The following TRAK1 variants were observed in gnomAD, a reference collection of about 807,000 sequenced individuals.
TRAK1 encodes the protein trafficking kinesin-binding protein 1.
Under a neutral mutation model 92.1 loss-of-function variants are expected in TRAK1, and 33 were observed. The observed-to-expected ratio is 0.36, with a 90% CI of 0.27 to 0.48. The LOEUF is 0.48. Ranked by LOEUF, TRAK1 falls within the 20% of genes least tolerant of loss-of-function variation. The pLI is 0.99. For synonymous variants in TRAK1, 521 were observed against 517.3 expected (o/e 1.01, Z -0.10); for missense variants, 1,123 against 1,257.9 (o/e 0.89, Z 1.62).
At chr3:42,095,403 A>G (rs950567752) in intron 1 of TRAK1, among the ~76,000 whole-genome samples, 1 of 152,180 alleles carries the variant, frequency 6.6e-6, no homozygotes, top group Non-Finnish European at 1.5e-5. Context: ...CTGTTTTACT[A>G]ATTTCATTTA....
intron 1 of TRAK1, among the ~76,000 whole-genome samples, chr3:42,113,559 G>A (rs1413639108): frequency 3.9e-5 from 6 of 152,182 alleles, no homozygotes; most frequent in Admixed American, 3.3e-4. Context: ...AACTACAGGT[G>A]TGTGCCATCA....
Position 42,125,401 on chromosome 3 carries a change from T to G in TRAK1, c.92-19T>G. 1 of 1,606,088 alleles carries G rather than the reference T, an allele frequency of 6.2e-7. No individual in the cohort carries two copies. The highest frequency in any genetic ancestry group is 8.5e-7 in the Non-Finnish European group (1 of 1,176,034). On this transcript the variant is annotated intron_variant, in intron 1 of 15. Coordinates refer to ENST00000327628, the MANE Select transcript of TRAK1 (RefSeq NM_001042646.3). ...ATAGCCATTTCTGGGCTCTCATTTC[T>G]TGGTTGTCTTGTCTTTAGATGTGTG...
At chr3:42,051,160 C>T (rs79237428) in intron 1 of TRAK1, 13,144 of 152,280 alleles carry the variant, frequency 0.086, 620 homozygotes, top group Non-Finnish European at 0.11. Flanking sequence ...TGAGCTGCCG[C>T]GCCTGGCATT....
chr3:42,060,406 C>T (rs918001320), intron 1 of TRAK1, among the ~76,000 whole-genome samples: 2 of 151,912 alleles, frequency 1.3e-5, no homozygotes, highest in Non-Finnish European at 2.9e-5. Flanking sequence ...ATAGCAGATA[C>T]CAAGACCTCT....
At chr3:42,083,264 G>A (rs369734977), upstream of TRAK1, among the ~76,000 whole-genome samples, 4 of 152,200 alleles carry the variant, frequency 2.6e-5, no homozygotes, top group South Asian at 4.2e-4. Flanking sequence ...CAGGGGGAGG[G>A]AATTTTTATA....
chr3:42,130,832 G>A (rs947455269), intron 2 of TRAK1, among the ~76,000 whole-genome samples: 1 of 152,128 alleles, frequency 6.6e-6, no homozygotes, highest in African/African-American at 2.4e-5. Flanking sequence ...AACCATCATT[G>A]TTCACATGGG....
Position 42,176,856 on chromosome 3 carries a change from A to T in TRAK1, c.329A>T (p.Asn110Ile), listed in dbSNP as rs1172974689. 1.2e-6 allele frequency: 2 copies of T among 1,614,144 alleles called. No individual in the cohort carries two copies. Among genetic ancestry groups the T allele is most frequent in the Admixed American group, 3.3e-5 (2 of 60,024 alleles). ...GTTGGCCAGATGACTAAGACATATA[A>T]TGACATAGATGCTGTCACTCGGCTT... ...ERVGQMTKTY[N>I]DIDAVTRLLE... is the part of the protein sequence containing the mutation. The change falls in exon 3 of 16, where the codon AAT (asparagine) becomes ATT (isoleucine). Residue 110 changes from asparagine (N) to isoleucine (I), a missense_variant. Physicochemically the swap from Asn to Ile is moderately radical, Grantham distance 149 (BLOSUM62 -3). Around this residue, in one of 3 missense-constraint regions of TRAK1, gnomAD observed 686 missense variants for 747.6 expected, o/e 0.92. Transcript: ENST00000327628.
chr3:42,122,009 G>A (rs941720074), intron 1 of TRAK1, among the ~76,000 whole-genome samples: 12 of 151,922 alleles, frequency 7.9e-5, no homozygotes, highest in African/African-American at 2.9e-4. Flanking sequence ...GTGGAGACAG[G>A]GTTTCACCGT....
intron 14 of TRAK1, among the ~76,000 whole-genome samples, chr3:42,216,464 G>C (rs1353600443): frequency 3.3e-5 from 5 of 152,204 alleles, no homozygotes; most frequent in African/African-American, 1.2e-4. Flanking sequence ...GAGAGAGCAG[G>C]TGAGGTCTCA....
At chr3:42,071,465 T>A (rs1425664477) in intron 1 of TRAK1, among the ~76,000 whole-genome samples, 2 of 152,086 alleles carry the variant, frequency 1.3e-5, no homozygotes, top group Admixed American at 6.6e-5. Context: ...CCCAGCACTT[T>A]GGGAGGCTGA....
chr3:42,074,975 A>G lies in TRAK1; in HGVS notation c.-518-12129A>G, dbSNP rs565070740. Among the ~76,000 whole-genome samples, 7 of 152,232 alleles carry G rather than the reference A, an allele frequency of 4.6e-5. No individual in the cohort carries two copies. The South Asian group carries it at 1.2e-3, about 27-fold the overall frequency. On this transcript the variant is annotated intron_variant, in intron 1 of 16. Transcript: ENST00000487159. Reference sequence around the variant, plus strand: ...GTGGTATTTGGTTTTCTGTTCCTGCATTAAATCACTTAGGATAATGGCCTT... The same window carrying G: ...GTGGTATTTGGTTTTCTGTTCCTGCGTTAAATCACTTAGGATAATGGCCTT...
At chr3:42,196,847 C>G (rs573614156) in intron 10 of TRAK1, among the ~76,000 whole-genome samples, 1 of 151,990 alleles carries the variant, frequency 6.6e-6, no homozygotes, top group East Asian at 1.9e-4. Context: ...CGCGCCTGGC[C>G]CTATGGCACA....
intron 4 of TRAK1, among the ~76,000 whole-genome samples, chr3:42,185,695 G>A (rs1352123740): frequency 1.4e-5 from 2 of 142,906 alleles, no homozygotes; most frequent in African/African-American, 5.2e-5. Flanking sequence ...TTTTGAGATG[G>A]AATTTCGCTC....
At chr3:42,166,521 T>C (rs1701892160) in intron 2 of TRAK1, among the ~76,000 whole-genome samples, 1 of 152,214 alleles carries the variant, frequency 6.6e-6, no homozygotes, top group South Asian at 2.1e-4. Flanking sequence ...CACTGGCCTT[T>C]CTGTCTGGTT....
At chr3:42,092,681 T>G (rs200675420) in intron 1 of TRAK1, among the ~76,000 whole-genome samples, 4 of 131,324 alleles carry the variant, frequency 3.0e-5, no homozygotes, top group Admixed American at 7.3e-5. Flanking sequence ...TCCTTTTATT[T>G]TGTTGTGTTG....
chr3:42,100,371 TTAAA>T, intron 1 of TRAK1, among the ~76,000 whole-genome samples: 1 of 152,258 alleles, frequency 6.6e-6, no homozygotes, highest in East Asian at 1.9e-4. Flanking sequence ...CTTGTCTTTC[TTAAA>T]TAAAAAAATG....
chr3:42,191,946 G>C (rs1474171092), intron 7 of TRAK1, among the ~76,000 whole-genome samples: 1 of 116,276 alleles, frequency 8.6e-6, no homozygotes, highest in Non-Finnish European at 1.6e-5. Context: ...TGTCACCCAG[G>C]CTAGAGTACA....
upstream of TRAK1, among the ~76,000 whole-genome samples, chr3:42,086,311 C>A (rs369797652): frequency 7.1e-6 from 1 of 140,478 alleles, no homozygotes; most frequent in Non-Finnish European, 1.5e-5. Context: ...CTTTTTCTTT[C>A]TTTTTTTTTT....
chr3:42,018,709 A>G (rs746568403), intron 1 of TRAK1, among the ~76,000 whole-genome samples: 17 of 152,232 alleles, frequency 1.1e-4, no homozygotes, highest in African/African-American at 4.1e-4. Context: ...ATTAGTTACT[A>G]GATAACATGA....
Sources: gnomAD v4.1 joint callset for allele counts (sites outside exome capture counted in the v4.1 genomes callset) on GRCh38, gnomAD v4.1.1 for gene constraint, gnomAD v4.1.1 regional missense constraint, MANE v1.5 for transcripts, NCBI Gene and HGNC (gene_info 2026-07-23, HGNC 2026-07-21) for gene names.